PPP1R9A: variants seen among roughly 807,000 people sequenced by gnomAD.
PPP1R9A encodes the protein protein phosphatase 1 regulatory subunit 9A.
PPP1R9A carries 59 observed loss-of-function variants against 141.9 expected under a neutral mutation model. That is an observed-to-expected ratio of 0.42 (90% CI 0.34 to 0.52). The LOEUF is 0.52. PPP1R9A is among the 20% of genes least tolerant of loss of function. The pLI is 0.10. For synonymous variants in PPP1R9A, 500 were observed against 569.7 expected, an observed-to-expected ratio of 0.88 and a Z score of 1.74; for missense variants, 1,444 against 1,611.9, an observed-to-expected ratio of 0.90 and a Z score of 1.78.
intron 7 of PPP1R9A, among the ~76,000 whole-genome samples, chr7:95,215,906 C>G (rs2152927837): frequency 6.6e-6 from 1 of 152,120 alleles, no homozygotes; most frequent in African/African-American, 2.4e-5. Flanking sequence ...CAAAAATTTT[C>G]TCCCATTCTG....
chr7:95,227,016 G>C (rs1377888758), intron 8 of PPP1R9A, among the ~76,000 whole-genome samples: 1 of 152,156 alleles, frequency 6.6e-6, no homozygotes, highest in East Asian at 1.9e-4. Flanking sequence ...TTCTTCTAAA[G>C]ACTTTCTAAA....
At chr7:95,139,326 C>G (rs549662321) in intron 4 of PPP1R9A, among the ~76,000 whole-genome samples, 10 of 152,108 alleles carry the variant, frequency 6.6e-5, no homozygotes, top group Non-Finnish European at 1.3e-4. Flanking sequence ...CTCACTATCA[C>G]GAGAACAGTA....
chr7:95,238,977 T>C (rs2152983225), intron 8 of PPP1R9A, among the ~76,000 whole-genome samples: 1 of 152,248 alleles, frequency 6.6e-6, no homozygotes, highest in African/African-American at 2.4e-5. Flanking sequence ...TGGGGAAACT[T>C]TTTAATTTGT....
rs143276802 is a variant in PPP1R9A, at chr7:95,209,440, A to G, written c.1956+5710A>G. Among the ~76,000 whole-genome samples the G allele has an allele frequency of 5.4e-3, 820 of 152,282 alleles. 6 individuals are homozygous for G. Among genetic ancestry groups the G allele is most frequent in the Admixed American group, 9.4e-3 (143 of 15,282 alleles). On this transcript the variant is annotated intron_variant, in intron 7 of 19. Coordinates refer to ENST00000433360, the MANE Select transcript of PPP1R9A (RefSeq NM_001166160.2). ...GCGGGTGTTTGTGGGAAGCGGTTAC[A>G]TGCAATCAGTATTGGAGTGGTCCAG... is the stretch of plus-strand genomic sequence containing the variant.
At chr7:95,157,062 G>C (rs1441101136) in intron 4 of PPP1R9A, 2 of 152,668 alleles carry the variant, frequency 1.3e-5, no homozygotes, top group East Asian at 3.9e-4. Flanking sequence ...CTGTCCCCAG[G>C]CTTCAGGCCT....
rs1387042271 is a variant in PPP1R9A, at chr7:95,062,744, T to C, written c.1396-48515T>C. On this transcript the variant is annotated intron_variant, in intron 2 of 19. Coordinates refer to ENST00000433360, the MANE Select transcript of PPP1R9A (RefSeq NM_001166160.2). ...GTTGCCCTAAGTATGATTATAAAAC[T>C]ATACTTTTTCTTTACCCTGCCCCAC... Among the ~76,000 whole-genome samples the C allele has an allele frequency of 2.6e-5, 4 of 152,042 alleles. No individual in the cohort carries two copies. In the South Asian group the frequency reaches 6.2e-4, roughly 24 times the overall value.
chr7:95,231,312 C>G (rs1169136073), intron 8 of PPP1R9A, among the ~76,000 whole-genome samples: 2 of 152,096 alleles, frequency 1.3e-5, no homozygotes, highest in Non-Finnish European at 2.9e-5. Flanking sequence ...CTTTCATACT[C>G]TACTGTCAGC....
At chr7:95,262,911 C>T (rs1800651741) in intron 12 of PPP1R9A, among the ~76,000 whole-genome samples, 1 of 152,168 alleles carries the variant, frequency 6.6e-6, no homozygotes, top group African/African-American at 2.4e-5. Flanking sequence ...AGATACCCTT[C>T]CTCCATAACC....
At chr7:95,050,269 A>T (rs1310160046) in intron 2 of PPP1R9A, among the ~76,000 whole-genome samples, 1 of 152,164 alleles carries the variant, frequency 6.6e-6, no homozygotes, top group Non-Finnish European at 1.5e-5. Context: ...CTTATTTACC[A>T]TGTGTATATC....
chr7:95,212,628 G>C (rs1216186773), intron 7 of PPP1R9A, among the ~76,000 whole-genome samples: 1 of 152,144 alleles, frequency 6.6e-6, no homozygotes, highest in African/African-American at 2.4e-5. Context: ...CTCAGTCCTG[G>C]AAGGCAGTCA....
At chr7:95,103,474 T>C (rs1819088809) in intron 2 of PPP1R9A, among the ~76,000 whole-genome samples, 1 of 150,904 alleles carries the variant, frequency 6.6e-6, no homozygotes, top group African/African-American at 2.4e-5. Flanking sequence ...TTCATGCCAT[T>C]CTCCCGCCTC....
Position 95,236,428 on chromosome 7 carries a change from G to C in PPP1R9A, c.2112+10312G>C, listed in dbSNP as rs138109734. On this transcript the variant is annotated intron_variant, in intron 8 of 19. Coordinates refer to ENST00000433360, the MANE Select transcript of PPP1R9A (RefSeq NM_001166160.2). ...TACCTTTCATAATAATTATTACTCT[G>C]TTCAAGTTTTCAATTTCAGGGGGAC... Among the ~76,000 whole-genome samples the C allele has an allele frequency of 4.3e-3, 653 of 151,924 alleles. 4 individuals carry two copies. The highest frequency in any genetic ancestry group is 0.014 in the African/African-American group (586 of 41,486).
chr7:95,022,361 G>A (rs558455876), intron 2 of PPP1R9A, among the ~76,000 whole-genome samples: 1 of 152,272 alleles, frequency 6.6e-6, no homozygotes, highest in East Asian at 1.9e-4. Context: ...ATCAGCTTAA[G>A]GAGATTTGGG....
At chr7:95,043,767 G>C (rs1012814274) in intron 2 of PPP1R9A, among the ~76,000 whole-genome samples, 2 of 152,118 alleles carry the variant, frequency 1.3e-5, no homozygotes, top group African/African-American at 4.8e-5. Flanking sequence ...ATAGTCACTA[G>C]CTGGCAACAT....
chr7:95,007,973 G>A (rs948499159), intron 2 of PPP1R9A, among the ~76,000 whole-genome samples: 6 of 152,166 alleles, frequency 3.9e-5, no homozygotes, highest in African/African-American at 1.4e-4. Context: ...TCAGAAGGCT[G>A]AGGCATGAGA....
chr7:95,045,243 G>A (rs1341577590), intron 2 of PPP1R9A, among the ~76,000 whole-genome samples: 1 of 152,172 alleles, frequency 6.6e-6, no homozygotes. Context: ...GAGCAGGAAT[G>A]GAAGTTTATT....
chr7:95,182,331 C>T (rs984879292), intron 5 of PPP1R9A, among the ~76,000 whole-genome samples: 1 of 151,854 alleles, frequency 6.6e-6, no homozygotes, highest in Non-Finnish European at 1.5e-5. Context: ...AGAATGAGAC[C>T]CTGTCTCAAA....
intron 17 of PPP1R9A, 130 bp downstream of exon 17, chr7:95,284,460 C>A: frequency 1.1e-6 from 1 of 918,136 alleles, no homozygotes; most frequent in Non-Finnish European, 1.6e-6. Context: ...CCTATCTTTT[C>A]ACATATTGCT....
rs1804827275 is a variant in PPP1R9A, at chr7:95,284,167, C to A, written c.3446C>A (p.Ser1149Tyr). ...AGGAACCTGCCTGCGCCTACAAGTT[C>A]CCTTCAGCCTTCTCCTGAGACTCTA... ...SFRNLPAPTS[S>Y]LQPSPETLIS... Residue 1149 changes from serine to tyrosine, a missense_variant, in exon 17 of 20, where the codon TCC becomes TAC. Ser to Tyr is a moderately radical substitution (Grantham distance 144). Transcript: ENST00000433360. 3.1e-6 allele frequency: 5 copies of A among 1,587,916 alleles called. No homozygotes were observed. The highest frequency in any genetic ancestry group is 2.7e-5 in the African/African-American group (2 of 74,632).
Sources: allele counts gnomAD v4.1 joint callset (sites outside exome capture counted in the v4.1 genomes callset), GRCh38; gene constraint gnomAD v4.1.1; transcripts MANE v1.5; gene names NCBI Gene and HGNC (gene_info 2026-07-23, HGNC 2026-07-21).